Variants in ST3GAL2 observed in about 807,000 individuals in gnomAD.
ST3GAL2 encodes ST3 beta-galactoside alpha-2,3-sialyltransferase 2.
A neutral mutation model predicts 37.5 loss-of-function variants in ST3GAL2; 16 were observed. The ratio of observed to expected loss-of-function variants is 0.43; its 90% CI spans 0.29 to 0.65. The LOEUF is 0.65. ST3GAL2 is among the 30% of genes least tolerant of loss of function. The pLI, the probability that ST3GAL2 is intolerant of heterozygous loss-of-function variation, is 0.17. For synonymous variants in ST3GAL2, 238 were observed against 202.9 expected (o/e 1.17, Z -1.47); for missense variants, 383 against 487.8 (o/e 0.79, Z 2.02).
chr16:70,431,290 G>A (rs963889377), intron 1 of ST3GAL2, among the ~76,000 whole-genome samples: 3 of 152,172 alleles, frequency 2.0e-5, no homozygotes, highest in Admixed American at 2.0e-4. Flanking sequence ...ATTAACATTT[G>A]TTGCCAATTT....
In ST3GAL2 at chr16:70,388,553, G is replaced by C. The variant is rs544995877; in HGVS notation, c.534-7C>G. ...GGTTGGCGCCTGATTCATCCTGCAGGGACAAGAGGGTGACATGAGAATCAA... is the reference window on the plus strand; with the variant it reads ...GGTTGGCGCCTGATTCATCCTGCAGCGACAAGAGGGTGACATGAGAATCAA... On this transcript the variant is annotated splice_polypyrimidine_tract_variant and splice_region_variant and intron_variant, in intron 3 of 6. Coordinates refer to ENST00000342907, the MANE Select transcript of ST3GAL2 (RefSeq NM_006927.4). The C allele has an allele frequency of 7.7e-6, 12 of 1,562,054 alleles. No individual in the cohort carries two copies. In the South Asian group the frequency reaches 1.4e-4, roughly 19 times the overall value.
At chr16:70,419,540 C>T (rs981126943) in intron 1 of ST3GAL2, among the ~76,000 whole-genome samples, 2 of 152,192 alleles carry the variant, frequency 1.3e-5, no homozygotes, top group Non-Finnish European at 2.9e-5. Flanking sequence ...AGTGACCTGG[C>T]TGGCATACTG....
Position 70,394,929 on chromosome 16 carries a change from C to T in ST3GAL2, c.533+53G>A, listed in dbSNP as rs542911505. 5 of 1,581,608 alleles carry T rather than the reference C, an allele frequency of 3.2e-6. No individual in the cohort carries two copies. In the African/African-American group the frequency reaches 4.1e-5, roughly 13 times the overall value. ...GCCAGACAAGGCAGAGGAGGGCAGT[C>T]CCCTTCCCGGAGGCCCATCCTGAGC... On this transcript the variant is annotated intron_variant, in intron 3 of 6. Transcript: ENST00000342907.
chr16:70,409,500 T>C lies in ST3GAL2; in HGVS notation c.-1003-9967A>G, dbSNP rs1039954603. On this transcript the variant is annotated intron_variant, in intron 1 of 6. Coordinates refer to ENST00000342907, the MANE Select transcript of ST3GAL2 (RefSeq NM_006927.4). ...CTGGGATTACAGGCATGCGCCACCA[T>C]GCCTGGCTAATTTTGTATTTTTAGT... Among the ~76,000 whole-genome samples the C allele has an allele frequency of 2.0e-5, 3 of 152,106 alleles. No homozygotes were observed. In the East Asian group the frequency reaches 5.8e-4, roughly 29 times the overall value.
intron 4 of ST3GAL2, 103 bp from the exon 5 acceptor site, chr16:70,383,338 G>C: frequency 1.7e-6 from 2 of 1,169,338 alleles, no homozygotes; most frequent in Non-Finnish European, 2.3e-6. Context: ...ATCACCTGAG[G>C]CCAGGAGTTC....
chr16:70,435,069 G>A (rs1263550826), intron 1 of ST3GAL2, among the ~76,000 whole-genome samples: 1 of 152,212 alleles, frequency 6.6e-6, no homozygotes, highest in Non-Finnish European at 1.5e-5. Context: ...GGCCAGACGA[G>A]GGCCCGGTTC....
At chr16:70,412,099 C>A (rs2047642360) in intron 1 of ST3GAL2, among the ~76,000 whole-genome samples, 1 of 152,132 alleles carries the variant, frequency 6.6e-6, no homozygotes, top group Non-Finnish European at 1.5e-5. Context: ...GTTTACTTTT[C>A]TTCTTACTGA....
chr16:70,425,867 G>A (rs1281558782), intron 1 of ST3GAL2, among the ~76,000 whole-genome samples: 1 of 152,218 alleles, frequency 6.6e-6, no homozygotes, highest in East Asian at 1.9e-4. Context: ...GGGATTCCTG[G>A]CAGTGGCTCA....
chr16:70,436,486 C>CAA (rs1240440363), intron 1 of ST3GAL2, among the ~76,000 whole-genome samples: 1 of 150,146 alleles, frequency 6.7e-6, no homozygotes, highest in Non-Finnish European at 1.5e-5. Flanking sequence ...GACTTCGCAT[C>CAA]TGCTTGGATT....
rs547699456 is a variant in ST3GAL2 at position 70,406,010 on chromosome 16, G to A, written c.-1003-6477C>T. ...CGGGAGGCAGAGCTTGCAGTGAGCC[G>A]AGATCATGCCACTGCACTCCGGCCT... On this transcript the variant is annotated intron_variant, in intron 1 of 6. Transcript: ENST00000342907. 3.3e-5 allele frequency among the ~76,000 whole-genome samples: 5 copies of A among 151,418 alleles called. No individual in the cohort carries two copies. In the South Asian group the frequency reaches 8.4e-4, roughly 25 times the overall value.
At chr16:70,436,697 T>C (rs539646055) in intron 1 of ST3GAL2, among the ~76,000 whole-genome samples, 1 of 152,178 alleles carries the variant, frequency 6.6e-6, no homozygotes, top group East Asian at 1.9e-4. Flanking sequence ...AATCCTTCCC[T>C]AAACCTGTAA....
chr16:70,381,938 G>T, intron 6 of ST3GAL2, 76 bp from the exon 7 acceptor site: 3 of 1,577,250 alleles, frequency 1.9e-6, no homozygotes, highest in Non-Finnish European at 2.6e-6. Flanking sequence ...GGGATGACAG[G>T]GAGGAGAGGG....
chr16:70,429,228 G>T (rs2047771531), intron 1 of ST3GAL2, among the ~76,000 whole-genome samples: 1 of 152,068 alleles, frequency 6.6e-6, no homozygotes, highest in South Asian at 2.1e-4. Context: ...TGGCCTCCTG[G>T]GCCCCCAGTA....
intron 4 of ST3GAL2, among the ~76,000 whole-genome samples, chr16:70,386,788 G>A (rs191248251): frequency 6.8e-4 from 104 of 152,172 alleles, no homozygotes; most frequent in African/African-American, 2.3e-3. Context: ...TGAGATTACA[G>A]GCGCATGCCA....
Position 70,377,994 on chromosome 16 carries a change from A to G in ST3GAL2, c.*3695T>C, listed in dbSNP as rs560827589. On this transcript the variant is annotated 3_prime_UTR_variant, in exon 7 of 7. Transcript: ENST00000342907. ...TGGGAAAGGAATGAAAAAGGTATCA[A>G]CTCACATGGGCAAATAAATGGAAAC... is the stretch of plus-strand genomic sequence containing the variant. The G allele has an allele frequency of 6.6e-6, 1 of 152,270 alleles. No homozygotes were observed. Among genetic ancestry groups the G allele is most frequent in the South Asian group, 2.1e-4 (1 of 4,826 alleles). The allele number at this position is 152,270 out of a possible 1,614,324, so 9.4% of individuals were successfully genotyped here. A position where few individuals can be genotyped will look rare whatever the true frequency, so the allele number is the denominator to read the frequency against.
At chr16:70,405,451 G>A (rs916172910) in intron 1 of ST3GAL2, among the ~76,000 whole-genome samples, 4 of 149,018 alleles carry the variant, frequency 2.7e-5, no homozygotes, top group Non-Finnish European at 5.9e-5. Context: ...TGAGGCAGGA[G>A]AATGGCATGA....
chr16:70,383,598 A>T (rs1439667215), intron 4 of ST3GAL2, among the ~76,000 whole-genome samples: 1 of 150,028 alleles, frequency 6.7e-6, no homozygotes, highest in African/African-American at 2.5e-5. Flanking sequence ...TGGGGAGGGG[A>T]AGGGAAAGGG....
At chr16:70,387,384 G>A (rs189842674) in intron 4 of ST3GAL2, among the ~76,000 whole-genome samples, 54 of 151,884 alleles carry the variant, frequency 3.6e-4, no homozygotes, top group Middle Eastern at 6.8e-3. Flanking sequence ...GCAAAACACC[G>A]TCTCTACTAA....
At chr16:70,431,231 T>C (rs995491904) in intron 1 of ST3GAL2, among the ~76,000 whole-genome samples, 6 of 152,176 alleles carry the variant, frequency 3.9e-5, no homozygotes, top group Non-Finnish European at 8.8e-5. Flanking sequence ...CACACAAATA[T>C]CTTGTTGATT....
Sources: allele counts gnomAD v4.1 joint callset (sites outside exome capture counted in the v4.1 genomes callset), GRCh38; gene constraint gnomAD v4.1.1; transcripts MANE v1.5; gene names NCBI Gene and HGNC (gene_info 2026-07-23, HGNC 2026-07-21).